SMIM10L3: variants seen among roughly 807,000 people sequenced by gnomAD.
The protein encoded by SMIM10L3 is salivary gland specific protein SAGSIN1.
At chr7:6,346,582 T>C in the SMIM10L3 span, among the ~76,000 whole-genome samples, 9 of 152,298 alleles carry the variant, frequency 5.9e-5, no homozygotes, top group East Asian at 7.7e-4. Context: ...GGTTTCACCC[T>C]GTAGCCCAGG....
At chr7:6,346,881 G>C in the SMIM10L3 span, among the ~76,000 whole-genome samples, 1 of 152,146 alleles carries the variant, frequency 6.6e-6, no homozygotes, top group African/African-American at 2.4e-5. Context: ...ACGCCAGGGA[G>C]CAACCCAAGG....
the SMIM10L3 span, among the ~76,000 whole-genome samples, chr7:6,347,426 G>C: frequency 2.6e-5 from 4 of 151,970 alleles, no homozygotes; most frequent in African/African-American, 9.7e-5. Context: ...TGAGTCAGGA[G>C]AATCGCTTGA....
At chr7:6,342,652 T>C in the SMIM10L3 span, among the ~76,000 whole-genome samples, 34 of 152,264 alleles carry the variant, frequency 2.2e-4, no homozygotes, top group Non-Finnish European at 4.3e-4. Flanking sequence ...AAAGCTTACA[T>C]GCAAATGTTC....
chr7:6,342,663 G>C, the SMIM10L3 span, among the ~76,000 whole-genome samples: 1 of 152,126 alleles, frequency 6.6e-6, no homozygotes, highest in African/African-American at 2.4e-5. Flanking sequence ...GCAAATGTTC[G>C]TAGTAACATT....
chr7:6,343,904 T>C, the SMIM10L3 span, among the ~76,000 whole-genome samples: 1 of 152,112 alleles, frequency 6.6e-6, no homozygotes, highest in Non-Finnish European at 1.5e-5. Flanking sequence ...TATGGCTTTT[T>C]CTTTTTAGTC....
At chr7:6,334,070 T>A in the SMIM10L3 span, among the ~76,000 whole-genome samples, 1 of 151,060 alleles carries the variant, frequency 6.6e-6, no homozygotes, top group East Asian at 2.0e-4. Flanking sequence ...ATGGAATCTA[T>A]CTCCTGACCT....
chr7:6,344,397 G>C, the SMIM10L3 span, among the ~76,000 whole-genome samples: 3 of 152,100 alleles, frequency 2.0e-5, no homozygotes, highest in Non-Finnish European at 2.9e-5. Context: ...TGTTGCACTT[G>C]GTCAAGCCCA....
At chr7:6,343,841 G>A in the SMIM10L3 span, among the ~76,000 whole-genome samples, 2 of 152,050 alleles carry the variant, frequency 1.3e-5, no homozygotes, top group African/African-American at 4.8e-5. Flanking sequence ...GAGTTCCTTA[G>A]GCCTTATTAC....
chr7:6,341,006 T>A, the SMIM10L3 span, among the ~76,000 whole-genome samples: 2 of 137,926 alleles, frequency 1.5e-5, no homozygotes, highest in East Asian at 4.3e-4. Flanking sequence ...TAGCCAGGTG[T>A]GGTGGTGGGA....
the SMIM10L3 span, chr7:6,330,345 T>C: frequency 1.7e-3 from 2,697 of 1,568,216 alleles, 4 homozygotes; most frequent in Non-Finnish European, 2.2e-3. Context: ...ACTCTTAAAA[T>C]TAATCTATTG....
the SMIM10L3 span, among the ~76,000 whole-genome samples, chr7:6,341,188 A>C: frequency 1.3e-5 from 2 of 149,844 alleles, no homozygotes; most frequent in East Asian, 4.0e-4. Context: ...CTCACCCCTG[A>C]AATCCCAGCA....
chr7:6,336,935 T>C, the SMIM10L3 span, among the ~76,000 whole-genome samples: 1 of 152,148 alleles, frequency 6.6e-6, no homozygotes, highest in East Asian at 1.9e-4. Flanking sequence ...ATTACAGGCG[T>C]GAGCCACCAT....
chr7:6,333,806 C>T, the SMIM10L3 span, among the ~76,000 whole-genome samples: 2 of 148,260 alleles, frequency 1.3e-5, no homozygotes. Flanking sequence ...AGGGTCTCCC[C>T]ATGTTGCCTA....
At chr7:6,343,596 C>A in the SMIM10L3 span, among the ~76,000 whole-genome samples, 1 of 151,606 alleles carries the variant, frequency 6.6e-6, no homozygotes, top group Non-Finnish European at 1.5e-5. Flanking sequence ...CATTTAACTG[C>A]CTTGTATTTC....
the SMIM10L3 span, among the ~76,000 whole-genome samples, chr7:6,347,504 ACT>A: frequency 4.7e-5 from 7 of 148,244 alleles, no homozygotes; most frequent in African/African-American, 1.5e-4. Flanking sequence ...CAAGAGTAAG[ACT>A]CTGTCTCAGG....
chr7:6,338,614 A>T, the SMIM10L3 span: 1 of 152,260 alleles, frequency 6.6e-6, no homozygotes, highest in Non-Finnish European at 1.5e-5. Context: ...GAGGCTGTCC[A>T]GGTATACCCG....
chr7:6,341,415 C>G, the SMIM10L3 span, among the ~76,000 whole-genome samples: 1 of 151,234 alleles, frequency 6.6e-6, no homozygotes, highest in Non-Finnish European at 1.5e-5. Context: ...GTACTCCAGC[C>G]TGGGTGACAG....
chr7:6,345,873 A>T, the SMIM10L3 span, among the ~76,000 whole-genome samples: 224 of 151,960 alleles, frequency 1.5e-3, 1 homozygote, highest in African/African-American at 5.0e-3. Context: ...GGTTCAAGTG[A>T]TTCTCCTGCC....
At chr7:6,345,341 C>T in the SMIM10L3 span, among the ~76,000 whole-genome samples, 6 of 152,082 alleles carry the variant, frequency 3.9e-5, no homozygotes, top group African/African-American at 1.4e-4. Context: ...TCTGGAACTC[C>T]TGGGCTCAAG....
Sources: gnomAD v4.1 joint callset for allele counts (sites outside exome capture counted in the v4.1 genomes callset) on GRCh38, gnomAD v4.1.1 for gene constraint, MANE v1.5 for transcripts, NCBI Gene and HGNC (gene_info 2026-07-23, HGNC 2026-07-21) for gene names.